TUSC3: variants seen among roughly 807,000 people sequenced by gnomAD.
TUSC3 encodes the protein dolichyl-diphosphooligosaccharide--protein glycosyltransferase subunit TUSC3.
TUSC3 carries 45 observed loss-of-function variants against 44.8 expected under a neutral mutation model. The ratio of observed to expected loss-of-function variants is 1.00; its 90% CI spans 0.79 to 1.29. The LOEUF is 1.29. Ranked by LOEUF, TUSC3 falls within the 50% of genes most tolerant of loss-of-function variation. TUSC3 has a pLI of 0.00. For missense variants in TUSC3, 519 were observed against 437.9 expected, an observed-to-expected ratio of 1.19 and a Z score of -1.65; for synonymous variants, 212 against 152.9, an observed-to-expected ratio of 1.39 and a Z score of -2.85.
At chr8:15,612,496 T>C (rs933064601) in intron 1 of TUSC3, among the ~76,000 whole-genome samples, 1 of 152,192 alleles carries the variant, frequency 6.6e-6, no homozygotes, top group Non-Finnish European at 1.5e-5. Context: ...TGTAGTAAAA[T>C]GTGAATTGAG....
At chr8:15,680,487 G>C (rs34672838) in intron 6 of TUSC3, among the ~76,000 whole-genome samples, 1 of 151,852 alleles carries the variant, frequency 6.6e-6, no homozygotes, top group Non-Finnish European at 1.5e-5. Flanking sequence ...AAAGCCTTTT[G>C]GTAGAGTATT....
chr8:15,615,100 CAAT>C (rs1201431272), intron 1 of TUSC3, among the ~76,000 whole-genome samples: 3 of 152,126 alleles, frequency 2.0e-5, no homozygotes, highest in African/African-American at 7.2e-5. Flanking sequence ...TCAGCAATCT[CAAT>C]GATGGTTATT....
At chr8:15,591,023 C>A (rs1200059838) in intron 1 of TUSC3, among the ~76,000 whole-genome samples, 3 of 152,084 alleles carry the variant, frequency 2.0e-5, no homozygotes, top group Non-Finnish European at 4.4e-5. Flanking sequence ...GAAATCTTTG[C>A]CATGCTGAGT....
At chr8:15,602,282 C>T (rs1404783751) in intron 1 of TUSC3, among the ~76,000 whole-genome samples, 7 of 151,582 alleles carry the variant, frequency 4.6e-5, no homozygotes, top group Middle Eastern at 3.2e-3. Context: ...GTTGTTCATG[C>T]AGAACTATTT....
intron 6 of TUSC3, among the ~76,000 whole-genome samples, chr8:15,699,963 G>C (rs1809326499): frequency 6.6e-6 from 1 of 152,074 alleles, no homozygotes; most frequent in Non-Finnish European, 1.5e-5. Flanking sequence ...TCAGCAGAAA[G>C]GGCATTCCAA....
At chr8:15,836,519 T>A in the TUSC3 span, among the ~76,000 whole-genome samples, 1 of 151,732 alleles carries the variant, frequency 6.6e-6, no homozygotes, top group East Asian at 1.9e-4. Context: ...ACTAGACATA[T>A]ATAAAATACA....
chr8:15,828,367 A>T, the TUSC3 span, among the ~76,000 whole-genome samples: 12 of 152,286 alleles, frequency 7.9e-5, no homozygotes, highest in Non-Finnish European at 1.5e-4. Context: ...TCTGTAGGTG[A>T]CCATAAACTC....
At chr8:15,781,415 G>A in the TUSC3 span, among the ~76,000 whole-genome samples, 72 of 152,214 alleles carry the variant, frequency 4.7e-4, no homozygotes, top group East Asian at 0.014. Flanking sequence ...ACAATGAAGA[G>A]ACCCACACTG....
chr8:15,588,134 C>G (rs1003156497), intron 1 of TUSC3, among the ~76,000 whole-genome samples: 12 of 152,068 alleles, frequency 7.9e-5, no homozygotes, highest in Non-Finnish European at 1.8e-4. Context: ...TTTGAGGGAC[C>G]TCCATGCTGT....
chr8:15,595,042 G>C (rs1204356398), intron 1 of TUSC3, among the ~76,000 whole-genome samples: 2 of 152,092 alleles, frequency 1.3e-5, no homozygotes, highest in African/African-American at 4.8e-5. Context: ...CTGTTTCTAA[G>C]GGGGACTGGA....
In TUSC3 at chr8:15,494,750, C is replaced by T. The variant is rs563244515; in HGVS notation, n.189+11267C>T. 2.2e-3 allele frequency among the ~76,000 whole-genome samples: 332 copies of T among 152,154 alleles called. 2 individuals are homozygous for T. The highest frequency in any genetic ancestry group is 3.7e-3 in the Non-Finnish European group (252 of 68,028). ...TCCAGACAGAACGGACTTTTCTGGA[C>T]TGTATTATGACAAAGGGTGAAATAG... On this transcript the variant is annotated intron_variant and non_coding_transcript_variant, in intron 2 of 5. Coordinates refer to the TUSC3 transcript ENST00000503191.
chr8:15,826,899 G>C, the TUSC3 span, among the ~76,000 whole-genome samples: 1 of 152,106 alleles, frequency 6.6e-6, no homozygotes, highest in East Asian at 1.9e-4. Context: ...AGCTGGGTTG[G>C]GAACAGGGAT....
chr8:15,662,315 CT>C lies in TUSC3; in HGVS notation c.708+26del. ...GTCTCTGGTATGTTAATACATTGTGCTTTTTTTATTTCCTGTTCTTTGTGTA... is the reference window on the plus strand; with the variant it reads ...GTCTCTGGTATGTTAATACATTGTGCTTTTTTATTTCCTGTTCTTTGTGTA... On this transcript the variant is annotated intron_variant, in intron 5 of 10. Coordinates refer to ENST00000503731, the MANE Select transcript of TUSC3 (RefSeq NM_006765.4). 6.2e-7 allele frequency: 1 copy of C among 1,611,924 alleles called. No individual in the cohort carries two copies. The highest frequency in any genetic ancestry group is 8.5e-7 in the Non-Finnish European group (1 of 1,178,558).
At chr8:15,710,779 G>T (rs547262319) in intron 6 of TUSC3, among the ~76,000 whole-genome samples, 2 of 149,152 alleles carry the variant, frequency 1.3e-5, no homozygotes, top group African/African-American at 4.9e-5. Flanking sequence ...TTTGCATGAA[G>T]TGAATATATA....
At chr8:15,451,601 C>G (rs1402872240) in intron 1 of TUSC3, among the ~76,000 whole-genome samples, 1 of 152,170 alleles carries the variant, frequency 6.6e-6, no homozygotes, top group East Asian at 1.9e-4. Context: ...TTGCCAAATG[C>G]ATCTCTTCCA....
chr8:15,842,909 G>A, the TUSC3 span, among the ~76,000 whole-genome samples: 2 of 152,120 alleles, frequency 1.3e-5, no homozygotes, highest in African/African-American at 2.4e-5. Flanking sequence ...TGCTCAGAAA[G>A]TCATGACCAT....
intron 1 of TUSC3, among the ~76,000 whole-genome samples, chr8:15,607,754 T>C: frequency 6.6e-6 from 1 of 152,190 alleles, no homozygotes; most frequent in East Asian, 1.9e-4. Context: ...TCAATATGCA[T>C]AACATGAACT....
At chr8:15,437,434 A>C (rs1055366523) in intron 1 of TUSC3, among the ~76,000 whole-genome samples, 4 of 152,096 alleles carry the variant, frequency 2.6e-5, no homozygotes, top group African/African-American at 9.7e-5. Flanking sequence ...GAGATTCGTG[A>C]TTTTATTCTG....
chr8:15,762,930 C>T (rs917666875), intron 10 of TUSC3, among the ~76,000 whole-genome samples: 1 of 151,958 alleles, frequency 6.6e-6, no homozygotes, highest in Non-Finnish European at 1.5e-5. Flanking sequence ...TCACCCTTAT[C>T]GTACGCTTTA....
Sources: gnomAD v4.1 joint callset for allele counts (sites outside exome capture counted in the v4.1 genomes callset) on GRCh38, gnomAD v4.1.1 for gene constraint, MANE v1.5 for transcripts, NCBI Gene and HGNC (gene_info 2026-07-23, HGNC 2026-07-21) for gene names.